SYN1: variants seen among roughly 807,000 people sequenced by gnomAD.
The protein encoded by SYN1 is synapsin-1.
A neutral mutation model predicts 44.6 loss-of-function variants in SYN1; 8 were observed. The ratio of observed to expected loss-of-function variants is 0.18; its 90% CI spans 0.11 to 0.32. The LOEUF is 0.32. Ranked by LOEUF, SYN1 falls within the 10% of genes least tolerant of loss-of-function variation. SYN1 has a pLI of 1.00. For synonymous variants in SYN1, 275 were observed against 280.1 expected (o/e 0.98, Z 0.18); for missense variants, 451 against 639.4 (o/e 0.71, Z 3.18).
At chrX:47,573,535 G>A (rs1423451625) in intron 12 of SYN1, among the ~76,000 whole-genome samples, 1 of 110,519 alleles carries the variant, frequency 9.0e-6, no homozygotes, top group African/African-American at 3.3e-5. Context: ...ACTGAGATGG[G>A]CCAGAAGGAT....
In SYN1 at chrX:47,574,345, G is replaced by T; in HGVS notation, c.1639C>A (p.Arg547Ser). 3 of 1,043,144 alleles carry T rather than the reference G, an allele frequency of 2.9e-6. No homozygotes were observed. Among genetic ancestry groups the T allele is most frequent in the East Asian group, 8.1e-5 (2 of 24,779 alleles). The allele number at this position is 1,043,144 out of a possible 1,213,427, so 86.0% of individuals were successfully genotyped here. A position where few individuals can be genotyped will look rare whatever the true frequency, so the allele number is the denominator to read the frequency against. ...TGGGGAGACGGAGAGGCGGGCGGGCGGGCTGCTGGAGGCGCCCCGGGGCCT... is the reference window on the plus strand; with the variant it reads ...TGGGGAGACGGAGAGGCGGGCGGGCTGGCTGCTGGAGGCGCCCCGGGGCCT... ...AGGPGAPPAA[R>S]PPASPSPQRQ... Residue 547 changes from arginine (R) to serine (S), a missense_variant, in exon 12 of 13, where the codon CGC becomes AGC. Arg to Ser is a moderately radical substitution (Grantham distance 110). Coordinates refer to ENST00000295987, the MANE Select transcript of SYN1 (RefSeq NM_006950.3).
intron 5 of SYN1, among the ~76,000 whole-genome samples, chrX:47,577,875 G>T (rs1349441202): frequency 4.7e-5 from 5 of 106,522 alleles, no homozygotes; most frequent in African/African-American, 1.7e-4. Flanking sequence ...GTGTGGGGGT[G>T]GGGGGGGTGG....
At chrX:47,604,312 G>C (rs2057889535) in intron 5 of SYN1, among the ~76,000 whole-genome samples, 1 of 110,656 alleles carries the variant, frequency 9.0e-6, no homozygotes, top group African/African-American at 3.3e-5. Flanking sequence ...GAGTGCAGTG[G>C]CGTGATCTCT....
chrX:47,605,294 G>A lies in SYN1; in HGVS notation c.613C>T (p.Leu205=). The part of the protein sequence containing the change: ...NGDYRSLVIG[L]QYAGIPSVNS... The stretch of plus-strand genomic sequence containing the variant: ...ACACTGGGGATTCCAGCATACTGCA[G>A]CCCAATGACCAAACTGCGGTAGTCT... The change falls in exon 4 of 13, where the codon CTG becomes TTG. Residue 205 remains leucine (L), a synonymous_variant. Transcript: ENST00000295987. 8.3e-7 allele frequency: 1 copy of A among 1,210,401 alleles called. No homozygotes were observed. Among genetic ancestry groups the A allele is most frequent in the Non-Finnish European group, 1.1e-6 (1 of 894,851 alleles).
Position 47,578,047 on chromosome X carries a change from G to T in SYN1, c.775-546C>A, listed in dbSNP as rs534718538. On this transcript the variant is annotated intron_variant, in intron 5 of 12. Transcript: ENST00000295987. ...ACATTGAGACTGACAGCCAACACAGGCTCAAAGCACATGAGCTCTGGAGCA... is the reference window on the plus strand; with the variant it reads ...ACATTGAGACTGACAGCCAACACAGTCTCAAAGCACATGAGCTCTGGAGCA... Among the ~76,000 whole-genome samples the T allele has an allele frequency of 5.5e-4, 61 of 110,974 alleles. 1 individual carries two copies. The highest frequency in any genetic ancestry group is 2.0e-3 in the African/African-American group (60 of 30,481).
rs1489318627 is a variant in SYN1 at position 47,616,983 on chromosome X, G to T, written c.377+2369C>A. On this transcript the variant is annotated intron_variant, in intron 1 of 12. Coordinates refer to ENST00000295987, the MANE Select transcript of SYN1 (RefSeq NM_006950.3). The stretch of plus-strand genomic sequence containing the variant: ...TAAATGCTCATTAAATGATTGTGGG[G>T]TTGCATGGAGGAAAAGGTATAGCAA... Among the ~76,000 whole-genome samples the T allele has an allele frequency of 2.7e-5, 3 of 110,787 alleles. No individual in the cohort carries two copies. In the East Asian group the frequency reaches 8.4e-4, roughly 31 times the overall value.
At position 47,575,430 on chromosome X, in the gene SYN1, G is replaced by A. The variant is rs747348725; in HGVS notation, c.1159-156C>T. Among the ~76,000 whole-genome samples, 19 of 112,660 alleles carry A rather than the reference G, an allele frequency of 1.7e-4. No individual in the cohort carries two copies. In the South Asian group the frequency reaches 6.2e-3, roughly 37 times the overall value. ...GGTGAGGAAGGCTTGTCTGTTCCAA[G>A]GTACCTTACAGCTTAGAAGGTGCTT... On this transcript the variant is annotated intron_variant, in intron 9 of 12. Transcript: ENST00000295987.
At chrX:47,591,570 A>C (rs993266756) in intron 5 of SYN1, among the ~76,000 whole-genome samples, 2 of 110,046 alleles carry the variant, frequency 1.8e-5, no homozygotes, top group Middle Eastern at 4.6e-3. Flanking sequence ...CAAATGCAAA[A>C]ATTAGCTGGG....
chrX:47,588,109 T>G (rs2057833712), intron 5 of SYN1, among the ~76,000 whole-genome samples: 1 of 112,523 alleles, frequency 8.9e-6, no homozygotes, highest in Non-Finnish European at 1.9e-5. Context: ...GGGCAGATTT[T>G]GAACACACAG....
intron 1 of SYN1, among the ~76,000 whole-genome samples, chrX:47,608,825 G>T (rs1489895044): frequency 3.7e-5 from 4 of 108,461 alleles, no homozygotes; most frequent in Non-Finnish European, 7.6e-5. Flanking sequence ...AGGGGGATGA[G>T]GGGGAGAGAC....
chrX:47,615,870 C>T (rs1408400973), intron 1 of SYN1, among the ~76,000 whole-genome samples: 1 of 107,708 alleles, frequency 9.3e-6, no homozygotes, highest in African/African-American at 3.4e-5. Context: ...CCAGCCTGGG[C>T]GACAGAGCAA....
At chrX:47,573,346 G>A (rs1005175875) in intron 12 of SYN1, among the ~76,000 whole-genome samples, 4 of 111,451 alleles carry the variant, frequency 3.6e-5, no homozygotes, top group Non-Finnish European at 7.5e-5. Flanking sequence ...GATGAGCAGG[G>A]AAGTTTCCAA....
chrX:47,583,908 A>G (rs181090834), intron 5 of SYN1, among the ~76,000 whole-genome samples: 1 of 112,080 alleles, frequency 8.9e-6, no homozygotes, highest in East Asian at 2.8e-4. Context: ...TAACACAGTA[A>G]GGAAGACCAT....
In SYN1 at chrX:47,619,794, G is replaced by A. The variant is rs1018001273; in HGVS notation, c.-66C>T. The A allele has an allele frequency of 6.4e-6, 7 of 1,086,159 alleles. No homozygotes were observed. In the Admixed American group the frequency reaches 1.3e-4, roughly 21 times the overall value. The allele number at this position is 1,086,159 out of a possible 1,213,427, so 89.5% of individuals were successfully genotyped here. A position where few individuals can be genotyped will look rare whatever the true frequency, so the allele number is the denominator to read the frequency against. On this transcript the variant is annotated 5_prime_UTR_variant, in exon 1 of 13. Transcript: ENST00000295987. ...CAGGAGCCGCGGGGGCGGACTGCGC[G>A]GTGCCCAGGAGCACAGCTGCGCTCT...
intron 5 of SYN1, among the ~76,000 whole-genome samples, chrX:47,598,063 A>G (rs1603067264): frequency 8.9e-6 from 1 of 112,803 alleles, no homozygotes; most frequent in Admixed American, 9.4e-5. Flanking sequence ...AAATGATACT[A>G]GCTAGTAATG....
In SYN1 at chrX:47,574,410, G is replaced by C; in HGVS notation, c.1574C>G (p.Pro525Arg). The change falls in exon 12 of 13, where the codon CCG (proline) becomes CGG (arginine). Residue 525 changes from proline (P) to arginine (R), a missense_variant. By Grantham distance (103) the Pro-to-Arg change is moderately radical. Coordinates refer to ENST00000295987, the MANE Select transcript of SYN1 (RefSeq NM_006950.3). Reference sequence around the variant, plus strand: ...GGATTGGCGGCCTTGACCCTGGGTCGGCGGCGCGGCCTGGGACGCGGGCTG... The same window carrying C: ...GGATTGGCGGCCTTGACCCTGGGTCCGCGGCGCGGCCTGGGACGCGGGCTG... Reference protein sequence around the residue: ...PQQPASQAAPPTQGQGRQSRP... With the variant: ...PQQPASQAAPRTQGQGRQSRP... The C allele has an allele frequency of 9.7e-7, 1 of 1,027,540 alleles. No individual in the cohort carries two copies. Among genetic ancestry groups the C allele is most frequent in the African/African-American group, 2.0e-5 (1 of 49,868 alleles). The allele number at this position is 1,027,540 out of a possible 1,213,427, so 84.7% of individuals were successfully genotyped here.
intron 5 of SYN1, among the ~76,000 whole-genome samples, chrX:47,593,053 TTTTG>T: frequency 9.2e-6 from 1 of 108,370 alleles, no homozygotes; most frequent in African/African-American, 3.4e-5. Flanking sequence ...TTTGTGTTTT[TTTTG>T]TTTTGTTTTG....
In SYN1 at chrX:47,585,020, C is replaced by G. The variant is rs2057816976; in HGVS notation, c.775-7519G>C. 18 of 1,208,066 alleles carry G rather than the reference C, an allele frequency of 1.5e-5. No individual in the cohort carries two copies. In the East Asian group the frequency reaches 5.3e-4, roughly 36 times the overall value. ...TATGAGATCAAGATGACCAAGGTATCCCCTGCCCCCGCCTCTTTCCCAGCA... is the reference window on the plus strand; with the variant it reads ...TATGAGATCAAGATGACCAAGGTATGCCCTGCCCCCGCCTCTTTCCCAGCA... On this transcript the variant is annotated intron_variant, in intron 5 of 12. Transcript: ENST00000295987.
Position 47,574,699 on chromosome X carries a change from G to T in SYN1, c.1382C>A (p.Pro461His). The T allele has an allele frequency of 1.7e-6, 2 of 1,184,088 alleles. No individual in the cohort carries two copies. Among genetic ancestry groups the T allele is most frequent in the Non-Finnish European group, 2.3e-6 (2 of 881,889 alleles). ...AGCCTCTCGCTTACCCTGTGGTGGGGGTCGCTGCTGAGCCGGGGGCCCTGC... is the reference window on the plus strand; with the variant it reads ...AGCCTCTCGCTTACCCTGTGGTGGGTGTCGCTGCTGAGCCGGGGGCCCTGC... ...QPAGPPAQQR[P>H]PPQGGPPQPG... is the part of the protein sequence containing the mutation. Residue 461 changes from proline to histidine, a missense_variant, in exon 11 of 13, where the codon CCC becomes CAC. By Grantham distance (77) the Pro-to-His change is moderately conservative (BLOSUM62 -2). Transcript: ENST00000295987.
Sources: allele counts gnomAD v4.1 joint callset (sites outside exome capture counted in the v4.1 genomes callset), GRCh38; gene constraint gnomAD v4.1.1; transcripts MANE v1.5; gene names NCBI Gene and HGNC (gene_info 2026-07-23, HGNC 2026-07-21).